Variants in GPHN observed in about 807,000 individuals in gnomAD.
GPHN encodes the protein gephyrin.
GPHN carries 17 observed loss-of-function variants against 95.5 expected under a neutral mutation model. That is an observed-to-expected ratio of 0.18 (90% CI 0.12 to 0.27). The LOEUF is 0.27. GPHN is among the 10% of genes least tolerant of loss of function. The pLI, the probability that GPHN is intolerant of heterozygous loss-of-function variation, is 1.00. For synonymous variants in GPHN, 320 were observed against 322.5 expected (o/e 0.99, Z 0.08); for missense variants, 660 against 978.1 (o/e 0.67, Z 4.34).
At chr14:67,523,351 G>A in the GPHN span, among the ~76,000 whole-genome samples, 1 of 151,670 alleles carries the variant, frequency 6.6e-6, no homozygotes, top group Non-Finnish European at 1.5e-5. Flanking sequence ...AGAAAAAAGA[G>A]GAGTCCAGTC....
the GPHN span, chr14:67,659,632 G>A: frequency 8.1e-7 from 1 of 1,236,212 alleles, no homozygotes; most frequent in African/African-American, 1.5e-5. Context: ...CAAGAGTCTA[G>A]TATACACTGA....
chr14:66,643,916 G>A lies in GPHN; in HGVS notation c.65-37191G>A, dbSNP rs780363125. Among the ~76,000 whole-genome samples the A allele has an allele frequency of 5.3e-5, 8 of 151,766 alleles. No individual in the cohort carries two copies. In the South Asian group the frequency reaches 6.2e-4, roughly 12 times the overall value. ...GTTTAATAATACTGATTATGTTCACGTTTATTTGAGTCTTGTACCTGTACC... is the reference window on the plus strand; with the variant it reads ...GTTTAATAATACTGATTATGTTCACATTTATTTGAGTCTTGTACCTGTACC... On this transcript the variant is annotated intron_variant, in intron 1 of 22. Transcript: ENST00000478722.
At chr14:66,536,403 A>G (rs1182319864) in intron 1 of GPHN, among the ~76,000 whole-genome samples, 2 of 152,232 alleles carry the variant, frequency 1.3e-5, no homozygotes, top group South Asian at 2.1e-4. Flanking sequence ...CTCCTAGGAT[A>G]AACGTTACTT....
At chr14:67,214,597 CGTG>C in the GPHN span, among the ~76,000 whole-genome samples, 1 of 152,188 alleles carries the variant, frequency 6.6e-6, no homozygotes, top group East Asian at 1.9e-4. Context: ...AGTCAGGTAG[CGTG>C]GTGCCTCCAG....
At chr14:66,600,005 G>A (rs1303711650) in intron 1 of GPHN, among the ~76,000 whole-genome samples, 1 of 151,844 alleles carries the variant, frequency 6.6e-6, no homozygotes, top group Non-Finnish European at 1.5e-5. Flanking sequence ...TTAATATAAT[G>A]GATTTTATTA....
At chr14:67,122,109 A>C in intron 16 of GPHN, 147 bp from the exon 17 acceptor site, 1 of 715,688 alleles carries the variant, frequency 1.4e-6, no homozygotes, top group East Asian at 2.8e-5. Context: ...TATTTATTTA[A>C]AGATCCTTTG....
chr14:67,696,421 C>T, the GPHN span, among the ~76,000 whole-genome samples: 2 of 152,072 alleles, frequency 1.3e-5, no homozygotes, highest in South Asian at 2.1e-4. Flanking sequence ...CCTTCCTCCT[C>T]GAGGATTCCT....
chr14:67,722,043 T>C, the GPHN span, among the ~76,000 whole-genome samples: 1 of 152,152 alleles, frequency 6.6e-6, no homozygotes, highest in Non-Finnish European at 1.5e-5. Flanking sequence ...AGCACACCCA[T>C]GTACTAGCAC....
At chr14:67,432,476 T>C in the GPHN span, among the ~76,000 whole-genome samples, 1 of 152,254 alleles carries the variant, frequency 6.6e-6, no homozygotes, top group Non-Finnish European at 1.5e-5. Flanking sequence ...AGTATTTACC[T>C]TCCAGAATGG....
At chr14:66,819,824 T>G (rs2061121615) in intron 3 of GPHN, among the ~76,000 whole-genome samples, 1 of 152,156 alleles carries the variant, frequency 6.6e-6, no homozygotes, top group East Asian at 1.9e-4. Context: ...TCCAACATCT[T>G]TCACTGCTTA....
chr14:67,560,136 C>T, the GPHN span, among the ~76,000 whole-genome samples: 28 of 152,316 alleles, frequency 1.8e-4, no homozygotes, highest in South Asian at 5.8e-3. Context: ...AACCGATTCT[C>T]GTGCCTCAGC....
chr14:67,157,026 T>TA (rs1203745783), intron 18 of GPHN, among the ~76,000 whole-genome samples: 3 of 151,660 alleles, frequency 2.0e-5, no homozygotes, highest in Non-Finnish European at 4.4e-5. Flanking sequence ...ATCCTTCAGT[T>TA]AAAAATTGTC....
At chr14:66,844,821 T>G (rs1005922403) in intron 4 of GPHN, among the ~76,000 whole-genome samples, 7 of 152,218 alleles carry the variant, frequency 4.6e-5, no homozygotes, top group Admixed American at 2.6e-4. Context: ...TCACCACTGT[T>G]TCTAGAACTT....
At chr14:67,618,951 A>C in the GPHN span, among the ~76,000 whole-genome samples, 1 of 152,190 alleles carries the variant, frequency 6.6e-6, no homozygotes, top group Admixed American at 6.5e-5. Context: ...AAATTTCAGG[A>C]GTTTATGTAA....
chr14:67,454,413 T>A, the GPHN span: 16 of 152,356 alleles, frequency 1.1e-4, no homozygotes, highest in African/African-American at 3.8e-4. Flanking sequence ...ATTTTGTTTT[T>A]CTTCATGTGA....
chr14:66,633,449 C>T (rs2063931712), intron 1 of GPHN, among the ~76,000 whole-genome samples: 1 of 152,060 alleles, frequency 6.6e-6, no homozygotes, highest in East Asian at 1.9e-4. Flanking sequence ...TTGCATTTTA[C>T]TGTATACTCT....
chr14:66,810,870 C>T (rs2060732967), intron 3 of GPHN, among the ~76,000 whole-genome samples: 1 of 152,126 alleles, frequency 6.6e-6, no homozygotes, highest in Non-Finnish European at 1.5e-5. Flanking sequence ...AATGGGTACC[C>T]AAGTCTGTCT....
chr14:67,340,390 T>C, the GPHN span: 5 of 1,506,916 alleles, frequency 3.3e-6, no homozygotes, highest in South Asian at 1.1e-5. Flanking sequence ...AATACAGCCT[T>C]TGGAATATGG....
Position 67,013,937 on chromosome 14 carries a change from A to G in GPHN, c.964-9696A>G, listed in dbSNP as rs80294719. Among the ~76,000 whole-genome samples the G allele has an allele frequency of 7.2e-3, 1,099 of 152,162 alleles. 5 individuals carry two copies. Among genetic ancestry groups the G allele is most frequent in the Non-Finnish European group, 0.012 (795 of 67,926 alleles). On this transcript the variant is annotated intron_variant, in intron 9 of 22. Coordinates refer to ENST00000478722, the MANE Select transcript of GPHN (RefSeq NM_020806.5). ...GTCACAAAATGCATAATAATTACAA[A>G]TACTCAATAATTCAAGTTTTTATAT...
Sources: gnomAD v4.1 joint callset for allele counts (sites outside exome capture counted in the v4.1 genomes callset) on GRCh38, gnomAD v4.1.1 for gene constraint, MANE v1.5 for transcripts, NCBI Gene and HGNC (gene_info 2026-07-23, HGNC 2026-07-21) for gene names.